The following AFAP1L2 variants were observed in gnomAD, a reference collection of about 807,000 sequenced individuals.
The protein encoded by AFAP1L2 is actin filament associated protein 1 like 2.
A neutral mutation model predicts 99.3 loss-of-function variants in AFAP1L2; 46 were observed. That is an observed-to-expected ratio of 0.46 (90% CI 0.37 to 0.59). The LOEUF is 0.59. Among genes scored for constraint, AFAP1L2 ranks in the 20% least tolerant of loss-of-function variants. The probability of loss-of-function intolerance (pLI) is 0.00; values close to 1 mark genes in which losing one functional copy is unlikely to be tolerated. For missense variants in AFAP1L2, 959 were observed against 1,034.9 expected, an observed-to-expected ratio of 0.93 and a Z score of 1.01; for synonymous variants, 397 against 419.1, an observed-to-expected ratio of 0.95 and a Z score of 0.64.
In AFAP1L2 at chr10:114,305,132, CAGA is replaced by C. The variant is rs1564806203; in HGVS notation, c.1073-205_1073-203del. On this transcript the variant is annotated intron_variant, in intron 10 of 18. Transcript: ENST00000304129. Reference sequence around the variant, plus strand: ...GGGGACCGGGCTGCAGGAGGGGACGCAGATGCAGGAGGGGACTGGGCTGCAGGA... The same window carrying C: ...GGGGACCGGGCTGCAGGAGGGGACGCTGCAGGAGGGGACTGGGCTGCAGGA... 2.1e-4 allele frequency: 89 copies of C among 416,410 alleles called. 1 individual carries two copies. The East Asian group carries it at 3.5e-3, about 17-fold the overall frequency. The allele number at this position is 416,410 out of a possible 1,614,324, so 25.8% of individuals were successfully genotyped here. A position where few individuals can be genotyped will look rare whatever the true frequency, so the allele number is the denominator to read the frequency against.
At chr10:114,386,407 A>G (rs1414406813) in intron 1 of AFAP1L2, among the ~76,000 whole-genome samples, 8 of 152,194 alleles carry the variant, frequency 5.3e-5, no homozygotes, top group Admixed American at 5.2e-4. Context: ...TCTCCAAAAA[A>G]AGAAAAAAGG....
the AFAP1L2 span, among the ~76,000 whole-genome samples, chr10:114,283,792 C>T: frequency 6.6e-6 from 1 of 152,252 alleles, no homozygotes; most frequent in Non-Finnish European, 1.5e-5. Context: ...AGTGAGCCCC[C>T]AGCTATTTCC....
intron 1 of AFAP1L2, among the ~76,000 whole-genome samples, chr10:114,385,068 C>T (rs1441047086): frequency 1.3e-5 from 2 of 152,114 alleles, no homozygotes; most frequent in Non-Finnish European, 2.9e-5. Context: ...AGGTGATCAA[C>T]CAGGGCTGGC....
upstream of AFAP1L2, among the ~76,000 whole-genome samples, chr10:114,404,954 G>A (rs113189107): frequency 3.2e-4 from 49 of 152,256 alleles, no homozygotes; most frequent in East Asian, 9.1e-3. Flanking sequence ...AGAGCTCCTC[G>A]CGCTTGGCTC....
intron 1 of AFAP1L2, among the ~76,000 whole-genome samples, chr10:114,378,345 G>C (rs746772484): frequency 1.3e-5 from 2 of 152,148 alleles, no homozygotes; most frequent in Non-Finnish European, 2.9e-5. Context: ...GCTCTTTCCA[G>C]CTGACACACT....
chr10:114,297,509 C>A, intron 16 of AFAP1L2, 96 bp from the exon 17 acceptor site: 6 of 1,298,470 alleles, frequency 4.6e-6, no homozygotes, highest in Non-Finnish European at 6.3e-6. Context: ...CCCCGCCACC[C>A]GAGAAGGACC....
At chr10:114,385,997 G>A (rs1441309093) in intron 1 of AFAP1L2, among the ~76,000 whole-genome samples, 2 of 152,070 alleles carry the variant, frequency 1.3e-5, no homozygotes, top group African/African-American at 4.8e-5. Context: ...TCCAAGGAAG[G>A]AACGAGAAGC....
chr10:114,384,324 T>TC (rs373711842), intron 1 of AFAP1L2, among the ~76,000 whole-genome samples: 2,946 of 146,176 alleles, frequency 0.02, 32 homozygotes, highest in East Asian at 0.038. Flanking sequence ...TTGTCTGTCG[T>TC]CCCCCCCCCG....
At chr10:114,315,232 G>A (rs776831237) in intron 6 of AFAP1L2, among the ~76,000 whole-genome samples, 31 of 152,050 alleles carry the variant, frequency 2.0e-4, no homozygotes, top group Non-Finnish European at 4.0e-4. Flanking sequence ...GGACTCCAGC[G>A]GACAGGATGT....
rs1270900647 is a variant in AFAP1L2 at position 114,295,185 on chromosome 10, A to G, written c.*857T>C. 1.0e-6 allele frequency: 1 copy of G among 985,654 alleles called. No homozygotes were observed. Among genetic ancestry groups the G allele is most frequent in the Non-Finnish European group, 1.2e-6 (1 of 829,866 alleles). 61.1% of individuals were successfully genotyped at this position (985,654 alleles called of 1,614,324 possible). A position where few individuals can be genotyped will look rare whatever the true frequency, so the allele number is the denominator to read the frequency against. On this transcript the variant is annotated 3_prime_UTR_variant, in exon 19 of 19. Coordinates refer to ENST00000304129, the MANE Select transcript of AFAP1L2 (RefSeq NM_001001936.3). ...AAATCAGAGACTATTTATATTAAAT[A>G]ACTCTTCCCTTAAAAATGGCCTGAC...
chr10:114,308,333 G>A (rs1381282692), intron 9 of AFAP1L2, 100 bp downstream of exon 9: 1 of 987,734 alleles, frequency 1.0e-6, no homozygotes, highest in Non-Finnish European at 1.5e-6. Flanking sequence ...ATTAATAGGG[G>A]GCCATGTTAG....
chr10:114,308,206 T>C (rs1437210770), intron 9 of AFAP1L2, among the ~76,000 whole-genome samples: 3 of 152,120 alleles, frequency 2.0e-5, no homozygotes. Flanking sequence ...TGAAATAGGG[T>C]TAGCAAACAA....
chr10:114,360,509 T>TAGATAGATAGATAGA, intron 1 of AFAP1L2, among the ~76,000 whole-genome samples: 1 of 107,366 alleles, frequency 9.3e-6, no homozygotes, highest in Non-Finnish European at 2.0e-5. Context: ...AGATAGATAG[T>TAGATAGATAGATAGA]TAGATAGATA....
Position 114,333,679 on chromosome 10 carries a change from A to C in AFAP1L2, c.146-384T>G, listed in dbSNP as rs558759432. 2.0e-5 allele frequency among the ~76,000 whole-genome samples: 3 copies of C among 152,252 alleles called. No homozygotes were observed. In the South Asian group the frequency reaches 6.2e-4, roughly 32 times the overall value. On this transcript the variant is annotated intron_variant, in intron 2 of 18. Coordinates refer to ENST00000304129, the MANE Select transcript of AFAP1L2 (RefSeq NM_001001936.3). Reference sequence around the variant, plus strand: ...CTAAAAATACAAAAGTTAGCCAGGCATGGTAGCTATAATCCTAGCTACTCA... The same window carrying C: ...CTAAAAATACAAAAGTTAGCCAGGCCTGGTAGCTATAATCCTAGCTACTCA...
chr10:114,312,261 G>C (rs2043367573), intron 7 of AFAP1L2, among the ~76,000 whole-genome samples: 1 of 150,072 alleles, frequency 6.7e-6, no homozygotes, highest in South Asian at 2.1e-4. Flanking sequence ...GTGTGTGTGT[G>C]TGTGTGTGTG....
chr10:114,313,501 A>G (rs887161463), intron 7 of AFAP1L2, among the ~76,000 whole-genome samples: 8 of 152,150 alleles, frequency 5.3e-5, no homozygotes, highest in Non-Finnish European at 1.0e-4. Flanking sequence ...GGACATGAAC[A>G]TTCCCCAGCC....
intron 9 of AFAP1L2, 54 bp from the exon 10 acceptor site, chr10:114,307,963 C>A: frequency 4.6e-6 from 7 of 1,507,320 alleles, no homozygotes; most frequent in Non-Finnish European, 6.5e-6. Context: ...ACCCACGTGC[C>A]CATGAGAGAT....
chr10:114,371,670 G>A (rs572733716), intron 1 of AFAP1L2, among the ~76,000 whole-genome samples: 1 of 152,068 alleles, frequency 6.6e-6, no homozygotes, highest in Non-Finnish European at 1.5e-5. Flanking sequence ...TGGGGTGGGG[G>A]GCTAGGGGAG....
rs201753774 is a variant in AFAP1L2, at chr10:114,310,462, C to T, written c.793-19G>A. The T allele has an allele frequency of 6.4e-4, 1,031 of 1,609,730 alleles. 3 individuals are homozygous for T. In the African/African-American group the frequency reaches 0.012, roughly 19 times the overall value. Reference sequence around the variant, plus strand: ...GGATGACCTGAGGCAAGAGGGAAGCCGTCAGCAGAGGCTGAGGTCCTCTGG... The same window carrying T: ...GGATGACCTGAGGCAAGAGGGAAGCTGTCAGCAGAGGCTGAGGTCCTCTGG... On this transcript the variant is annotated intron_variant, in intron 7 of 18. Coordinates refer to ENST00000304129, the MANE Select transcript of AFAP1L2 (RefSeq NM_001001936.3).
Sources: gnomAD v4.1 joint callset for allele counts (sites outside exome capture counted in the v4.1 genomes callset) on GRCh38, gnomAD v4.1.1 for gene constraint, MANE v1.5 for transcripts, NCBI Gene and HGNC (gene_info 2026-07-23, HGNC 2026-07-21) for gene names.